WWOX: variants seen among roughly 807,000 people sequenced by gnomAD.
WWOX encodes the protein WW domain containing oxidoreductase.
A neutral mutation model predicts 46.2 loss-of-function variants in WWOX; 69 were observed. That is an observed-to-expected ratio of 1.49 (90% CI 1.23 to 1.82). WWOX has a LOEUF of 1.82. Ranked by LOEUF, WWOX falls within the 40% of genes most tolerant of loss-of-function variation. WWOX has a pLI of 0.00. For synonymous variants in WWOX, 359 were observed against 202.6 expected (o/e 1.77, Z -6.56); for missense variants, 919 against 542.6 (o/e 1.69, Z -6.89).
intron 8 of WWOX, among the ~76,000 whole-genome samples, chr16:78,830,170 T>A (rs1266392134): frequency 6.6e-6 from 1 of 151,976 alleles, no homozygotes; most frequent in Non-Finnish European, 1.5e-5. Context: ...GCTGCCGCAA[T>A]GAAAGAAGAA....
chr16:78,825,759 A>C, intron 8 of WWOX: 2 of 595,234 alleles, frequency 3.4e-6, no homozygotes, highest in Non-Finnish European at 6.3e-6. Flanking sequence ...CCCAGCGGAG[A>C]CCATGTTAAC....
intron 8 of WWOX, among the ~76,000 whole-genome samples, chr16:79,102,297 G>T (rs1168051640): frequency 6.6e-6 from 1 of 152,142 alleles, no homozygotes; most frequent in Non-Finnish European, 1.5e-5. Context: ...TGGACAAGAG[G>T]TGTTTGACTC....
At chr16:78,533,305 T>C (rs1018099305) in intron 8 of WWOX, among the ~76,000 whole-genome samples, 3 of 151,878 alleles carry the variant, frequency 2.0e-5, no homozygotes, top group Non-Finnish European at 2.9e-5. Flanking sequence ...CACTTTTGGG[T>C]CAGTTGAGTC....
In WWOX at chr16:78,421,987, A is replaced by C. The variant is rs932983165; in HGVS notation, c.606-2883A>C. ...TCCCACCAACTTTATACAAGATAAT[A>C]CAAATATAATAGTATGAATAAATAT... is the stretch of plus-strand genomic sequence containing the variant. On this transcript the variant is annotated intron_variant, in intron 6 of 8. Coordinates refer to ENST00000566780, the MANE Select transcript of WWOX (RefSeq NM_016373.4). Among the ~76,000 whole-genome samples the C allele has an allele frequency of 2.0e-5, 3 of 152,332 alleles. No homozygotes were observed. The South Asian group carries it at 6.2e-4, about 32-fold the overall frequency.
At chr16:79,002,528 C>G (rs7194870) in intron 8 of WWOX, among the ~76,000 whole-genome samples, 68 of 152,226 alleles carry the variant, frequency 4.5e-4, no homozygotes, top group African/African-American at 1.6e-3. Flanking sequence ...CGGCCCCTGC[C>G]TTTTTATTTT....
intron 8 of WWOX, among the ~76,000 whole-genome samples, chr16:78,927,194 G>C (rs1171098249): frequency 2.6e-5 from 4 of 152,164 alleles, no homozygotes; most frequent in Non-Finnish European, 4.4e-5. Context: ...AGAGAATGAG[G>C]TATGTGGTAC....
intron 8 of WWOX, among the ~76,000 whole-genome samples, chr16:78,510,744 CAT>C (rs58724380): frequency 0.05 from 7,645 of 152,252 alleles, 383 homozygotes; most frequent in East Asian, 0.16. Context: ...GTATGATAAA[CAT>C]ATGTGTGTAT....
chr16:79,161,785 C>T (rs1188906093), intron 8 of WWOX, among the ~76,000 whole-genome samples: 2 of 152,224 alleles, frequency 1.3e-5, no homozygotes, highest in Non-Finnish European at 2.9e-5. Context: ...TGCCAAAGTG[C>T]TGGGATTACA....
chr16:78,399,196 AG>A (rs902979460), intron 6 of WWOX, among the ~76,000 whole-genome samples: 2 of 152,208 alleles, frequency 1.3e-5, no homozygotes, highest in Non-Finnish European at 2.9e-5. Flanking sequence ...ACGGAAGAAG[AG>A]GGAAGAACAA....
At chr16:78,764,249 C>A (rs1246552550) in intron 8 of WWOX, among the ~76,000 whole-genome samples, 1 of 151,822 alleles carries the variant, frequency 6.6e-6, no homozygotes, top group African/African-American at 2.4e-5. Flanking sequence ...AACGGCTCCG[C>A]CTTCCTGCCA....
chr16:78,944,661 G>A (rs776959252), intron 8 of WWOX, among the ~76,000 whole-genome samples: 35 of 152,066 alleles, frequency 2.3e-4, no homozygotes, highest in Non-Finnish European at 3.7e-4. Context: ...TTGCTTTTGC[G>A]GAGATTCGAG....
At chr16:78,751,471 A>ATCAGAT (rs1567535629) in intron 8 of WWOX, among the ~76,000 whole-genome samples, 2 of 143,754 alleles carry the variant, frequency 1.4e-5, no homozygotes, top group African/African-American at 5.1e-5. Flanking sequence ...TTATATATAT[A>ATCAGAT]TATATATATA....
At chr16:78,830,675 G>A (rs2051795011) in intron 8 of WWOX, among the ~76,000 whole-genome samples, 1 of 151,806 alleles carries the variant, frequency 6.6e-6, no homozygotes, top group Non-Finnish European at 1.5e-5. Context: ...ACCGATTGGG[G>A]CTGACAGGTA....
At chr16:79,053,179 A>G (rs1289023606) in intron 8 of WWOX, among the ~76,000 whole-genome samples, 2 of 152,198 alleles carry the variant, frequency 1.3e-5, no homozygotes, top group East Asian at 1.9e-4. Context: ...TGCGTTTTCT[A>G]TTTTATTGAC....
rs530238869 is a variant in WWOX at position 78,876,230 on chromosome 16, G to A, written c.1057-335378G>A. Among the ~76,000 whole-genome samples the A allele has an allele frequency of 7.4e-4, 110 of 149,640 alleles. 1 individual carries two copies. Among genetic ancestry groups the A allele is most frequent in the East Asian group, 1.6e-3 (8 of 5,104 alleles). On this transcript the variant is annotated intron_variant, in intron 8 of 8. Coordinates refer to ENST00000566780, the MANE Select transcript of WWOX (RefSeq NM_016373.4). ...CTTTCTTTTTTTTTTTAATTCTTCC[G>A]CCAGCTATCTTTAAAAGCAGTTCTA...
chr16:79,108,150 C>G (rs970884443), intron 8 of WWOX, among the ~76,000 whole-genome samples: 6 of 152,200 alleles, frequency 3.9e-5, no homozygotes, highest in South Asian at 4.1e-4. Context: ...AAAATAGGCA[C>G]TCTGTTGGTG....
At chr16:78,247,511 G>A (rs1171247666) in intron 5 of WWOX, among the ~76,000 whole-genome samples, 1 of 152,084 alleles carries the variant, frequency 6.6e-6, no homozygotes, top group Non-Finnish European at 1.5e-5. Flanking sequence ...GGTAACACAT[G>A]AATGCAGCTG....
At chr16:78,439,934 C>T (rs2083409373) in intron 8 of WWOX, among the ~76,000 whole-genome samples, 1 of 152,156 alleles carries the variant, frequency 6.6e-6, no homozygotes, top group Admixed American at 6.5e-5. Flanking sequence ...TGCCTTTTTC[C>T]TTTATCAAGA....
intron 5 of WWOX, among the ~76,000 whole-genome samples, chr16:78,377,992 G>A (rs2081869583): frequency 6.6e-6 from 1 of 151,566 alleles, no homozygotes; most frequent in African/African-American, 2.4e-5. Context: ...TATTTTGGCA[G>A]GGGGAGGTAG....
Sources: gnomAD v4.1 joint callset for allele counts (sites outside exome capture counted in the v4.1 genomes callset) on GRCh38, gnomAD v4.1.1 for gene constraint, MANE v1.5 for transcripts, NCBI Gene and HGNC (gene_info 2026-07-23, HGNC 2026-07-21) for gene names.